Variants in BUB3 observed in about 807,000 individuals in gnomAD.
The protein encoded by BUB3 is BUB3 mitotic checkpoint protein.
In BUB3, 22 loss-of-function variants were observed where a neutral mutation model predicts 39.9. The observed-to-expected ratio is 0.55, with a 90% confidence interval of 0.39 to 0.79. The LOEUF (loss-of-function observed/expected upper bound fraction) is 0.79. BUB3 is among the 30% of genes least tolerant of loss of function. The pLI, the probability that BUB3 is intolerant of heterozygous loss-of-function variation, is 0.00. For missense variants in BUB3, 303 were observed against 415.4 expected, an observed-to-expected ratio of 0.73 and a Z score of 2.35; for synonymous variants, 168 against 155.1, an observed-to-expected ratio of 1.08 and a Z score of -0.62.
chr10:123,157,130 G>T (rs1057027580), intron 3 of BUB3, among the ~76,000 whole-genome samples: 2 of 152,230 alleles, frequency 1.3e-5, no homozygotes, highest in Non-Finnish European at 2.9e-5. Context: ...GAGATATAGT[G>T]AGAAGGTTCA....
rs1844486992 is a variant in BUB3, at chr10:123,165,946, A to G, written c.*2111A>G. ...AAAACATTGTATAAGTGAAAGAATT[A>G]ATATAGTATTGTTATAGGTAACCAA... On this transcript the variant is annotated 3_prime_UTR_variant, in exon 8 of 8. Transcript: ENST00000368865. The G allele has an allele frequency of 6.6e-6, 1 of 152,178 alleles. No individual in the cohort carries two copies. The highest frequency in any genetic ancestry group is 2.1e-4 in the South Asian group (1 of 4,832). 9.4% of individuals were successfully genotyped at this position (152,178 alleles called of 1,614,324 possible).
At chr10:123,156,753 G>GTTTTTTGTTTTTTTTTTTT (rs1844352719) in intron 3 of BUB3, among the ~76,000 whole-genome samples, 10 of 135,110 alleles carry the variant, frequency 7.4e-5, no homozygotes, top group African/African-American at 2.8e-4. Flanking sequence ...TTTCTTTCTT[G>GTTTTTTGTTTTTTTTTTTT]TTTTTTTTTT....
rs1844490963 is a variant in BUB3 at position 123,166,232 on chromosome 10, A to G, written c.*2397A>G. The stretch of plus-strand genomic sequence containing the variant: ...TCTCTTCTGTTTATCTTTTCTTCCT[A>G]CTGCTACCATCCCAGGGCCTTTTGG... On this transcript the variant is annotated 3_prime_UTR_variant, in exon 8 of 8. Coordinates refer to ENST00000368865, the MANE Select transcript of BUB3 (RefSeq NM_004725.4). The G allele has an allele frequency of 6.6e-6, 1 of 151,896 alleles. No homozygotes were observed. The allele number at this position is 151,896 out of a possible 1,614,324, so 9.4% of individuals were successfully genotyped here.
Position 123,167,974 on chromosome 10 carries a change from C to G in BUB3, c.*4139C>G, listed in dbSNP as rs1485214813. The stretch of plus-strand genomic sequence containing the variant: ...AATTTTTTACGCTTTTTTTTTTTCT[C>G]CTTTTTCTGGAGAACGGGGTCTCGC... On this transcript the variant is annotated 3_prime_UTR_variant, in exon 8 of 8. Transcript: ENST00000368865. The G allele has an allele frequency of 6.7e-6, 1 of 149,820 alleles. No individual in the cohort carries two copies. Among genetic ancestry groups the G allele is most frequent in the African/African-American group, 2.5e-5 (1 of 40,678 alleles). The allele number at this position is 149,820 out of a possible 1,614,324, so 9.3% of individuals were successfully genotyped here.
chr10:123,166,425 CCTT>C lies in BUB3; in HGVS notation c.*2594_*2596del, dbSNP rs773195103. ...AGAAGGATCCTGAAATATGACTTGC[CCTT>C]CTTGCATGCGATGTATCTGGTGCAT... On this transcript the variant is annotated 3_prime_UTR_variant, in exon 8 of 8. Coordinates refer to ENST00000368865, the MANE Select transcript of BUB3 (RefSeq NM_004725.4). 1 of 152,028 alleles carries C rather than the reference CCTT, an allele frequency of 6.6e-6. No homozygotes were observed. The highest frequency in any genetic ancestry group is 6.6e-5 in the Admixed American group (1 of 15,252). The allele number at this position is 152,028 out of a possible 1,614,324, so 9.4% of individuals were successfully genotyped here. A position where few individuals can be genotyped will look rare whatever the true frequency, so the allele number is the denominator to read the frequency against.
At chr10:123,161,251 A>G (rs1194404746) in intron 5 of BUB3, among the ~76,000 whole-genome samples, 1 of 152,240 alleles carries the variant, frequency 6.6e-6, no homozygotes, top group Non-Finnish European at 1.5e-5. Flanking sequence ...CATTAAAAAC[A>G]GAAGGTGTCT....
At position 123,168,006 on chromosome 10, in the gene BUB3, G is replaced by A. The variant is rs1366653447; in HGVS notation, c.*4171G>A. 2 of 149,928 alleles carry A rather than the reference G, an allele frequency of 1.3e-5. No homozygotes were observed. Among genetic ancestry groups the A allele is most frequent in the Admixed American group, 1.3e-4 (2 of 14,994 alleles). The allele number at this position is 149,928 out of a possible 1,614,324, so 9.3% of individuals were successfully genotyped here. Reference sequence around the variant, plus strand: ...CTGGAGAACGGGGTCTCGCTATACTGCCCAGGCAGGTCTCGAACTCCTGGG... The same window carrying A: ...CTGGAGAACGGGGTCTCGCTATACTACCCAGGCAGGTCTCGAACTCCTGGG... On this transcript the variant is annotated 3_prime_UTR_variant, in exon 8 of 8. Transcript: ENST00000368865.
chr10:123,164,077 A>ATT lies in BUB3; in HGVS notation c.*242_*243insTT. 4.2e-6 allele frequency: 5 copies of ATT among 1,191,246 alleles called. No homozygotes were observed. Among genetic ancestry groups the ATT allele is most frequent in the Non-Finnish European group, 5.2e-6 (5 of 961,906 alleles). The allele number at this position is 1,191,246 out of a possible 1,614,324, so 73.8% of individuals were successfully genotyped here. A position where few individuals can be genotyped will look rare whatever the true frequency, so the allele number is the denominator to read the frequency against. On this transcript the variant is annotated 3_prime_UTR_variant, in exon 8 of 8. Transcript: ENST00000368865. ...TTTGGGCAAACAAAATTGGAGGGCA[A>ATT]GTGACTGCAGTTTTGAGAATCAGTT...
chr10:123,157,577 T>C (rs1174994753), intron 3 of BUB3, 152 bp from the exon 4 acceptor site: 4 of 818,074 alleles, frequency 4.9e-6, no homozygotes, highest in Admixed American at 6.7e-5. Flanking sequence ...ATGGAGAGAT[T>C]TTTCTGTCTG....
At position 123,155,018 on chromosome 10, in the gene BUB3, C is replaced by T. The variant is rs768452215; in HGVS notation, c.101C>T (p.Ser34Phe). The change falls in exon 2 of 8, where the codon TCC becomes TTC. Residue 34 changes from serine to phenylalanine, a missense_variant. Around this residue, in one of 2 missense-constraint regions of BUB3, gnomAD observed 121 missense variants for 122.3 expected, o/e 0.99. Transcript: ENST00000368865. ...PNTSQFLLVSSWDTSVRLYDV... is the reference protein window; with the variant it reads ...PNTSQFLLVSFWDTSVRLYDV... ...ACCTCCCAGTTCCTGCTTGTCTCCTCCTGGGACACGTCCGTGCGTCTCTAC... is the reference window on the plus strand; with the variant it reads ...ACCTCCCAGTTCCTGCTTGTCTCCTTCTGGGACACGTCCGTGCGTCTCTAC... 1.1e-5 allele frequency: 18 copies of T among 1,614,084 alleles called. No individual in the cohort carries two copies. The highest frequency in any genetic ancestry group is 1.5e-5 in the Non-Finnish European group (18 of 1,180,038).
Position 123,167,146 on chromosome 10 carries a change from ATTTTACC to A in BUB3, c.*3319_*3325del, listed in dbSNP as rs1844502876. On this transcript the variant is annotated 3_prime_UTR_variant, in exon 8 of 8. Transcript: ENST00000368865. The stretch of plus-strand genomic sequence containing the variant: ...TTTTTCTGGTCTTGTTCCCACAATC[ATTTTACC>A]TTTTACCACTCCCCCAGAAAACACT... 6.6e-6 allele frequency: 1 copy of A among 152,188 alleles called. No homozygotes were observed. The highest frequency in any genetic ancestry group is 1.9e-4 in the East Asian group (1 of 5,176). The allele number at this position is 152,188 out of a possible 1,614,324, so 9.4% of individuals were successfully genotyped here. A position where few individuals can be genotyped will look rare whatever the true frequency, so the allele number is the denominator to read the frequency against.
chr10:123,158,207 C>T (rs547337926), intron 4 of BUB3, among the ~76,000 whole-genome samples: 16 of 152,274 alleles, frequency 1.1e-4, no homozygotes, highest in African/African-American at 3.4e-4. Context: ...CTTAAATTGA[C>T]GCTCCATCCC....
At chr10:123,162,076 G>A (rs904568299) in intron 5 of BUB3, among the ~76,000 whole-genome samples, 160 bp from the exon 6 acceptor site, 3 of 152,152 alleles carry the variant, frequency 2.0e-5, no homozygotes, top group Admixed American at 6.5e-5. Context: ...TTTTAAAGTC[G>A]TCATAACCAT....
chr10:123,166,308 T>G lies in BUB3; in HGVS notation c.*2473T>G, dbSNP rs926824693. 6.6e-6 allele frequency: 1 copy of G among 152,096 alleles called. No homozygotes were observed. The highest frequency in any genetic ancestry group is 1.5e-5 in the Non-Finnish European group (1 of 68,042). 9.4% of individuals were successfully genotyped at this position (152,096 alleles called of 1,614,324 possible). On this transcript the variant is annotated 3_prime_UTR_variant, in exon 8 of 8. Coordinates refer to ENST00000368865, the MANE Select transcript of BUB3 (RefSeq NM_004725.4). Reference sequence around the variant, plus strand: ...GCCTTAAGTCCTCCATCTAATAGAGTAGTGACTTTTGAACCTTGTAGTTGT... The same window carrying G: ...GCCTTAAGTCCTCCATCTAATAGAGGAGTGACTTTTGAACCTTGTAGTTGT...
At position 123,154,986 on chromosome 10, in the gene BUB3, C is replaced by G. The variant is rs754112640; in HGVS notation, c.69C>G (p.Ser23Arg). ...PEDGISSVKF[S>R]PNTSQFLLVS... ...ATGGCATCTCCTCCGTGAAGTTCAG[C>G]CCCAACACCTCCCAGTTCCTGCTTG... Residue 23 changes from serine (S) to arginine (R), a missense_variant, in exon 2 of 8, where the codon AGC becomes AGG. This residue lies in a region of BUB3 where 121 missense variants were observed against 122.3 expected (regional missense o/e 0.99). Coordinates refer to ENST00000368865, the MANE Select transcript of BUB3 (RefSeq NM_004725.4). 1 of 1,614,180 alleles carries G rather than the reference C, an allele frequency of 6.2e-7. No homozygotes were observed. Among genetic ancestry groups the G allele is most frequent in the Non-Finnish European group, 8.5e-7 (1 of 1,180,030 alleles).
intron 1 of BUB3, 46 bp from the exon 2 acceptor site, chr10:123,154,872 C>G: frequency 6.4e-7 from 1 of 1,570,520 alleles, no homozygotes. Context: ...CAGTGCGCAG[C>G]CCCAGCCCGC....
intron 1 of BUB3, 36 bp from the exon 2 acceptor site, chr10:123,154,882 C>G: frequency 6.3e-7 from 1 of 1,579,930 alleles, no homozygotes; most frequent in Non-Finnish European, 8.6e-7. Context: ...CCCCAGCCCG[C>G]GGGACCCCTG....
chr10:123,164,048 G>C lies in BUB3; in HGVS notation c.*213G>C, dbSNP rs572371579. ...TGGTTTGATGGTTTGCTGCATTAAA[G>C]GTATTTGGGCAAACAAAATTGGAGG... On this transcript the variant is annotated 3_prime_UTR_variant, in exon 8 of 8. Transcript: ENST00000368865. 16 of 1,244,352 alleles carry C rather than the reference G, an allele frequency of 1.3e-5. No homozygotes were observed. Among genetic ancestry groups the C allele is most frequent in the African/African-American group, 4.7e-5 (3 of 63,942 alleles). The allele number at this position is 1,244,352 out of a possible 1,614,324, so 77.1% of individuals were successfully genotyped here.
Position 123,164,957 on chromosome 10 carries a change from C to T in BUB3, c.*1122C>T. ...TGTATTTTTTTTAATTCTTTTGATA[C>T]AGAGAAGGGTCTTTTTTTTTTTAAG... On this transcript the variant is annotated 3_prime_UTR_variant, in exon 8 of 8. Coordinates refer to ENST00000368865, the MANE Select transcript of BUB3 (RefSeq NM_004725.4). 6.6e-7 allele frequency: 1 copy of T among 1,505,348 alleles called. No homozygotes were observed. The allele number at this position is 1,505,348 out of a possible 1,614,324, so 93.2% of individuals were successfully genotyped here. A position where few individuals can be genotyped will look rare whatever the true frequency, so the allele number is the denominator to read the frequency against.
Sources: gnomAD v4.1 joint callset for allele counts (sites outside exome capture counted in the v4.1 genomes callset) on GRCh38, gnomAD v4.1.1 for gene constraint, gnomAD v4.1.1 regional missense constraint, MANE v1.5 for transcripts, NCBI Gene and HGNC (gene_info 2026-07-23, HGNC 2026-07-21) for gene names.